SGCD: variants seen among roughly 807,000 people sequenced by gnomAD.
SGCD encodes delta-sarcoglycan.
A neutral mutation model predicts 36.6 loss-of-function variants in SGCD; 18 were observed. The observed-to-expected ratio is 0.49, with a 90% CI of 0.34 to 0.73. The LOEUF is 0.73. Among genes scored for constraint, SGCD ranks in the 30% least tolerant of loss-of-function variants. SGCD has a pLI of 0.01. For missense variants in SGCD, 387 were observed against 346.7 expected (o/e 1.12, Z -0.92); for synonymous variants, 133 against 130.6 (o/e 1.02, Z -0.12).
chr5:156,544,928 T>C (rs1198331030), intron 4 of SGCD, among the ~76,000 whole-genome samples: 1 of 152,146 alleles, frequency 6.6e-6, no homozygotes, highest in Non-Finnish European at 1.5e-5. Context: ...GTTCCATAGC[T>C]AGTTTGTGGA....
At chr5:156,749,616 AGTGC>A (rs1375667812) in intron 7 of SGCD, among the ~76,000 whole-genome samples, 5 of 152,170 alleles carry the variant, frequency 3.3e-5, no homozygotes, top group Admixed American at 2.0e-4. Context: ...CTTCTTTATC[AGTGC>A]AAAGGAGAAT....
chr5:156,411,045 T>C (rs932231730), intron 3 of SGCD, among the ~76,000 whole-genome samples: 1 of 152,254 alleles, frequency 6.6e-6, no homozygotes, highest in Admixed American at 6.5e-5. Context: ...CTACAGTCTT[T>C]GGTATTATTT....
intron 7 of SGCD, among the ~76,000 whole-genome samples, chr5:156,753,368 C>G (rs1365313319): frequency 6.6e-6 from 1 of 152,174 alleles, no homozygotes; most frequent in Non-Finnish European, 1.5e-5. Flanking sequence ...CAGCAGGACC[C>G]TTAACTGCCA....
At chr5:156,056,055 G>T (rs1760048527) in intron 1 of SGCD, among the ~76,000 whole-genome samples, 1 of 146,364 alleles carries the variant, frequency 6.8e-6, no homozygotes, top group African/African-American at 2.5e-5. Context: ...CAGAAATAGT[G>T]ACAAAGTTGA....
chr5:156,699,952 GT>G (rs879606339), intron 7 of SGCD, among the ~76,000 whole-genome samples: 2 of 152,132 alleles, frequency 1.3e-5, no homozygotes, highest in Non-Finnish European at 2.9e-5. Flanking sequence ...TAAGTGAACA[GT>G]GGGGGAAAGT....
chr5:156,486,519 C>G (rs2127844647), intron 3 of SGCD, among the ~76,000 whole-genome samples: 2 of 152,210 alleles, frequency 1.3e-5, no homozygotes, highest in Middle Eastern at 6.8e-3. Flanking sequence ...CTATCACCAC[C>G]CCTGCTAGTG....
chr5:156,643,324 G>A (rs1196031178), intron 6 of SGCD, among the ~76,000 whole-genome samples: 1 of 151,998 alleles, frequency 6.6e-6, no homozygotes, highest in African/African-American at 2.4e-5. Context: ...GAGCCACCTC[G>A]CCCAGCCAAT....
At chr5:156,325,133 A>G (rs962815002), upstream of SGCD, among the ~76,000 whole-genome samples, 3 of 152,134 alleles carry the variant, frequency 2.0e-5, no homozygotes, top group African/African-American at 7.2e-5. Flanking sequence ...AATCTCAAGG[A>G]AAGACTTCAG....
chr5:156,208,301 G>A (rs151335682), intron 3 of SGCD, among the ~76,000 whole-genome samples: 7 of 152,180 alleles, frequency 4.6e-5, no homozygotes, highest in South Asian at 2.1e-4. Context: ...CAAACTTCAG[G>A]CCTATTTTAG....
At chr5:156,229,300 A>ATATATATATATATATATGTATATAT (rs1477607808) in intron 3 of SGCD, among the ~76,000 whole-genome samples, 1 of 126,176 alleles carries the variant, frequency 7.9e-6, no homozygotes, top group Non-Finnish European at 1.7e-5. Flanking sequence ...ATATATATAT[A>ATATATATATATATATATGTATATAT]AAATTAGTTC....
intron 3 of SGCD, among the ~76,000 whole-genome samples, chr5:156,498,808 A>G (rs1561736628): frequency 1.3e-5 from 2 of 152,174 alleles, no homozygotes; most frequent in Non-Finnish European, 2.9e-5. Flanking sequence ...GCTGGATCAT[A>G]TGGTAACTCC....
Position 156,463,490 on chromosome 5 carries a change from A to G in SGCD, c.193-45111A>G, listed in dbSNP as rs150746367. Among the ~76,000 whole-genome samples the G allele has an allele frequency of 1.8e-3, 271 of 152,250 alleles. 5 individuals carry two copies. The highest frequency in any genetic ancestry group is 6.4e-3 in the African/African-American group (264 of 41,544). On this transcript the variant is annotated intron_variant, in intron 3 of 8. Transcript: ENST00000337851. ...TGAGGCACAATTTTTTTTTACCTGA[A>G]CTATACTTTTTTTGGATAAATTAAT...
At chr5:156,471,330 A>G (rs1202897732) in intron 3 of SGCD, among the ~76,000 whole-genome samples, 1 of 152,188 alleles carries the variant, frequency 6.6e-6, no homozygotes, top group Non-Finnish European at 1.5e-5. Context: ...AATGCAGAGG[A>G]CTAAGATAGC....
chr5:156,292,494 T>C (rs1185276278), intron 3 of SGCD, among the ~76,000 whole-genome samples: 1 of 152,152 alleles, frequency 6.6e-6, no homozygotes, highest in Admixed American at 6.6e-5. Context: ...GATACCCACA[T>C]TTGCTTATCC....
At chr5:156,526,967 C>T (rs1757670441) in intron 4 of SGCD, among the ~76,000 whole-genome samples, 1 of 152,156 alleles carries the variant, frequency 6.6e-6, no homozygotes, top group African/African-American at 2.4e-5. Context: ...CAATGTCAGC[C>T]AGAGTTCTGG....
At chr5:155,924,549 G>A (rs1198286204) in intron 1 of SGCD, among the ~76,000 whole-genome samples, 1 of 152,222 alleles carries the variant, frequency 6.6e-6, no homozygotes, top group Non-Finnish European at 1.5e-5. Context: ...AAATTGGGAA[G>A]CAGGCAGCAA....
chr5:156,463,595 A>C (rs1424615936), intron 3 of SGCD, among the ~76,000 whole-genome samples: 2 of 152,146 alleles, frequency 1.3e-5, no homozygotes, highest in Non-Finnish European at 2.9e-5. Flanking sequence ...GAAAGGGAGA[A>C]CTGAGTAGAT....
intron 7 of SGCD, among the ~76,000 whole-genome samples, chr5:156,697,876 T>A (rs1218254508): frequency 1.3e-5 from 2 of 152,162 alleles, no homozygotes; most frequent in Admixed American, 6.5e-5. Context: ...TAGGATTTTA[T>A]TTCCATGGGA....
At chr5:156,153,610 A>G (rs1204987700) in intron 3 of SGCD, among the ~76,000 whole-genome samples, 1 of 151,670 alleles carries the variant, frequency 6.6e-6, no homozygotes, top group Non-Finnish European at 1.5e-5. Flanking sequence ...CTCATTAGAA[A>G]TATACCAAAG....
Sources: gnomAD v4.1 joint callset for allele counts (sites outside exome capture counted in the v4.1 genomes callset) on GRCh38, gnomAD v4.1.1 for gene constraint, MANE v1.5 for transcripts, NCBI Gene and HGNC (gene_info 2026-07-23, HGNC 2026-07-21) for gene names.